Variants in ABCA8 observed in about 807,000 individuals in gnomAD.
The protein encoded by ABCA8 is ABC-type organic anion transporter ABCA8.
In ABCA8, 177 loss-of-function variants were observed where a neutral mutation model predicts 192.3. The ratio of observed to expected loss-of-function variants is 0.92; its 90% CI spans 0.81 to 1.04. ABCA8 has a LOEUF of 1.04. ABCA8 is among the 50% of genes least tolerant of loss of function. The probability of loss-of-function intolerance (pLI) is 0.00; values close to 1 mark genes in which losing one functional copy is unlikely to be tolerated. For synonymous variants in ABCA8, 642 were observed against 690.2 expected, an observed-to-expected ratio of 0.93 and a Z score of 1.09; for missense variants, 1,915 against 1,904.8, an observed-to-expected ratio of 1.01 and a Z score of -0.10.
chr17:68,897,196 G>A (rs1247864142), intron 21 of ABCA8, among the ~76,000 whole-genome samples: 2 of 152,192 alleles, frequency 1.3e-5, no homozygotes, highest in Non-Finnish European at 2.9e-5. Context: ...TGTGATACCA[G>A]TAGAGTTAGC....
intron 24 of ABCA8, among the ~76,000 whole-genome samples, chr17:68,890,975 C>T (rs2066609913): frequency 6.6e-6 from 1 of 152,162 alleles, no homozygotes; most frequent in Non-Finnish European, 1.5e-5. Context: ...TAATTTTGTG[C>T]ATGTGACGGA....
intron 21 of ABCA8, among the ~76,000 whole-genome samples, chr17:68,900,725 G>T (rs1448528048): frequency 1.3e-5 from 2 of 151,926 alleles, no homozygotes; most frequent in East Asian, 3.9e-4. Context: ...AAATGGAAAG[G>T]ATTATACACC....
intron 32 of ABCA8, chr17:68,878,512 T>C (rs1348666208): frequency 6.6e-6 from 1 of 152,180 alleles, no homozygotes; most frequent in African/African-American, 2.4e-5. Flanking sequence ...TCACTGAAAG[T>C]ATTTAATCAG....
chr17:68,936,952 T>G lies in ABCA8; in HGVS notation c.465A>C (p.Thr155=). ...MPAKKEHKDH[T]AHCYETNEDV... is the part of the protein sequence containing the mutation. ...GAAATTTTAGAGCCATAAAATTACC[T>G]GTATGGTCCTTGTGCTCCTTCTTTG... Residue 155 remains threonine (T), a splice_region_variant and synonymous_variant, in exon 5 of 40, where the codon ACA becomes ACC. Coordinates refer to ENST00000586539, the MANE Select transcript of ABCA8 (RefSeq NM_001288985.2). The G allele has an allele frequency of 6.4e-7, 1 of 1,568,964 alleles. No homozygotes were observed. Among genetic ancestry groups the G allele is most frequent in the South Asian group, 1.2e-5 (1 of 83,592 alleles).
chr17:68,953,114 G>A lies in ABCA8; in HGVS notation c.-167+2105C>T, dbSNP rs946373134. On this transcript the variant is annotated intron_variant, in intron 1 of 39. Transcript: ENST00000586539. ...AGAGTGCTTTCAAATGGTCTTTGCC[G>A]TGGGAGAAAACAGGCTACCTAAGCT... Among the ~76,000 whole-genome samples, 16 of 152,294 alleles carry A rather than the reference G, an allele frequency of 1.1e-4. No individual in the cohort carries two copies. In the South Asian group the frequency reaches 1.5e-3, roughly 14 times the overall value.
rs1411938361 is a variant in ABCA8, at chr17:68,919,350, C to G, written c.1739G>C (p.Arg580Thr). The G allele has an allele frequency of 1.9e-6, 3 of 1,613,654 alleles. No homozygotes were observed. In the East Asian group the frequency reaches 6.7e-5, roughly 36 times the overall value. The change falls in exon 14 of 40, where the codon AGA (arginine) becomes ACA (threonine). Residue 580 changes from arginine to threonine, a missense_variant. Arg to Thr is a moderately conservative substitution (Grantham distance 71, BLOSUM62 -1). Transcript: ENST00000586539. ...AATCCCTTTTATTTTAGCAAAGAGTCTGAGGTTTTCTCTTACAGTGAGGAA... is the reference window on the plus strand; with the variant it reads ...AATCCCTTTTATTTTAGCAAAGAGTGTGAGGTTTTCTCTTACAGTGAGGAA... Reference protein sequence around the residue: ...FDFLTVRENLRLFAKIKGILP... With the variant: ...FDFLTVRENLTLFAKIKGILP...
In ABCA8 at chr17:68,885,241, TA is replaced by T. The variant is rs2066428223; in HGVS notation, c.3503del (p.Leu1168Ter). The T allele has an allele frequency of 6.2e-7, 1 of 1,611,082 alleles. No individual in the cohort carries two copies. The highest frequency in any genetic ancestry group is 8.5e-7 in the Non-Finnish European group (1 of 1,177,544). ...AGCCAATCATTGTGGCAGGTGGTAT[TA>T]AAAAAGTGAAGATAAATGGAATATC... ...ESDIPFIFTF[L>X]IPPATMIGCL... is the part of the protein sequence containing the mutation. On this transcript the variant is annotated frameshift_variant, in exon 27 of 40. Coordinates refer to ENST00000586539, the MANE Select transcript of ABCA8 (RefSeq NM_001288985.2). LOFTEE classifies it high-confidence loss of function.
intron 11 of ABCA8, among the ~76,000 whole-genome samples, chr17:68,923,810 A>G (rs1301488590): frequency 6.6e-6 from 1 of 152,228 alleles, no homozygotes; most frequent in Non-Finnish European, 1.5e-5. Context: ...CTGGTCATTG[A>G]TGATGAGTAT....
Position 68,881,174 on chromosome 17 carries a change from A to G in ABCA8, c.3984T>C (p.Gly1328=). Residue 1328 remains glycine, a synonymous_variant, in exon 32 of 40, where the codon GGT becomes GGC. Coordinates refer to ENST00000586539, the MANE Select transcript of ABCA8 (RefSeq NM_001288985.2). ...TTATCACCTTAATGGATGTGCTTTT[A>G]CCAGCTCCATTGTGTCCTAATAATC... ...VLGLLGHNGA[G]KSTSIKVITG... is the part of the protein sequence containing the mutation. 2 of 1,614,028 alleles carry G rather than the reference A, an allele frequency of 1.2e-6. No homozygotes were observed. The highest frequency in any genetic ancestry group is 1.7e-6 in the Non-Finnish European group (2 of 1,179,918).
chr17:68,940,424 C>A (rs1022483051), intron 4 of ABCA8, among the ~76,000 whole-genome samples: 1 of 152,120 alleles, frequency 6.6e-6, no homozygotes, highest in African/African-American at 2.4e-5. Flanking sequence ...TTCAGAGTCA[C>A]ATGTCAACAT....
intron 28 of ABCA8, 101 bp downstream of exon 28, chr17:68,884,205 ATATCTCCTTGGGCTATAGATACCTG>A: frequency 1.1e-6 from 1 of 941,502 alleles, no homozygotes; most frequent in South Asian, 2.5e-5. Context: ...TACAAGCATT[ATATCTCCTTGGGCTATAGATACCTG>A]TATCTCTAAC....
chr17:68,935,293 T>TGTGTGTGTGTGTGTGTGTGTGTGTGTG (rs1491187643), intron 5 of ABCA8, among the ~76,000 whole-genome samples: 8 of 149,348 alleles, frequency 5.4e-5, no homozygotes, highest in African/African-American at 2.0e-4. Flanking sequence ...TGTGTGTGTG[T>TGTGTGTGTGTGTGTGTGTGTGTGTGTG]TTCAGTAGAG....
At position 68,906,087 on chromosome 17, in the gene ABCA8, T is replaced by G. The variant is rs761984968; in HGVS notation, c.2355A>C (p.Glu785Asp). ...ATTTTCCTTCTAGCTTCAGGAATAC[T>G]TCATTCAAAGTTGTCATGGAAACAC... ...NYGVSMTTLN[E>D]VFLKLEGKST... The change falls in exon 19 of 40, where the codon GAA becomes GAC. Residue 785 changes from glutamate (E) to aspartate (D), a missense_variant. Glu to Asp is a conservative substitution (Grantham distance 45, BLOSUM62 2). Transcript: ENST00000586539. 181 of 1,599,620 alleles carry G rather than the reference T, an allele frequency of 1.1e-4. No individual in the cohort carries two copies. The highest frequency in any genetic ancestry group is 1.5e-4 in the Non-Finnish European group (172 of 1,173,552).
rs1054243761 is a variant in ABCA8 at position 68,887,526 on chromosome 17, G to C, written c.3145-20C>G. On this transcript the variant is annotated intron_variant, in intron 24 of 39. Transcript: ENST00000586539. The stretch of plus-strand genomic sequence containing the variant: ...TCTGTTCTAATTAGGAGACAGCAAA[G>C]ATACAAAGTTTGTGGCTTAAGAATA... The C allele has an allele frequency of 6.4e-7, 1 of 1,569,606 alleles. No individual in the cohort carries two copies. Among genetic ancestry groups the C allele is most frequent in the Non-Finnish European group, 8.6e-7 (1 of 1,161,066 alleles).
At chr17:68,938,507 C>T (rs1325696380) in intron 4 of ABCA8, among the ~76,000 whole-genome samples, 6 of 151,968 alleles carry the variant, frequency 3.9e-5, no homozygotes, top group African/African-American at 1.5e-4. Flanking sequence ...AGAAGAACGC[C>T]CTTGGTGGGA....
rs541665324 is a variant in ABCA8 at position 68,934,431 on chromosome 17, C to T, written c.467-1160G>A. ...AATCTCAGTGATTTATCACAGTGAA[C>T]GTGTATTTCTCACTCAGGCTACAAA... is the stretch of plus-strand genomic sequence containing the variant. On this transcript the variant is annotated intron_variant, in intron 5 of 39. Coordinates refer to ENST00000586539, the MANE Select transcript of ABCA8 (RefSeq NM_001288985.2). 1.7e-3 allele frequency among the ~76,000 whole-genome samples: 261 copies of T among 152,186 alleles called. 1 individual carries two copies. The highest frequency in any genetic ancestry group is 5.7e-3 in the African/African-American group (235 of 41,524).
intron 21 of ABCA8, among the ~76,000 whole-genome samples, chr17:68,896,029 C>T (rs8071218): frequency 0.42 from 63,930 of 151,920 alleles, 14,053 homozygotes; most frequent in East Asian, 0.56. Flanking sequence ...GAATCAGGCA[C>T]GATCCATGCT....
chr17:68,889,494 G>A (rs567920819), intron 24 of ABCA8, among the ~76,000 whole-genome samples: 2 of 152,048 alleles, frequency 1.3e-5, no homozygotes, highest in African/African-American at 2.4e-5. Context: ...TCAAGTTCTC[G>A]CATTTCCAAA....
intron 1 of ABCA8, among the ~76,000 whole-genome samples, chr17:68,952,823 C>G (rs1047957732): frequency 1.3e-5 from 2 of 152,148 alleles, no homozygotes; most frequent in Admixed American, 6.5e-5. Context: ...CCCTCTACCC[C>G]CTGGTAGGAG....
Sources: allele counts gnomAD v4.1 joint callset (sites outside exome capture counted in the v4.1 genomes callset), GRCh38; gene constraint gnomAD v4.1.1; transcripts MANE v1.5; gene names NCBI Gene and HGNC (gene_info 2026-07-23, HGNC 2026-07-21).